The following POU6F1 variants were observed in gnomAD, a reference collection of about 807,000 sequenced individuals.
The protein encoded by POU6F1 is POU domain, class 6, transcription factor 1.
POU6F1 carries 9 observed loss-of-function variants against 28.9 expected under a neutral mutation model. The observed-to-expected ratio is 0.31, with a 90% CI of 0.19 to 0.54. The LOEUF (loss-of-function observed/expected upper bound fraction) is 0.54, where lower values mean the gene tolerates loss of function less well. Ranked by LOEUF, POU6F1 falls within the 20% of genes least tolerant of loss-of-function variation. POU6F1 has a pLI of 0.94. For missense variants in POU6F1, 338 were observed against 426.1 expected (o/e 0.79, Z 1.82); for synonymous variants, 173 against 171.1 (o/e 1.01, Z -0.09).
rs1944352665 is a variant in POU6F1, at chr12:51,217,550, G to A, written c.-48+92C>T. 6.6e-6 allele frequency: 1 copy of A among 152,294 alleles called. No homozygotes were observed. Among genetic ancestry groups the A allele is most frequent in the African/African-American group, 2.4e-5 (1 of 41,350 alleles). The allele number at this position is 152,294 out of a possible 1,614,324, so 9.4% of individuals were successfully genotyped here. A position where few individuals can be genotyped will look rare whatever the true frequency, so the allele number is the denominator to read the frequency against. ...AAATATATAAATTATGCTAATTACG[G>A]GCATTGCATATTAACCAAACCCGAA... On this transcript the variant is annotated intron_variant, in intron 1 of 10. Coordinates refer to ENST00000333640, the MANE Select transcript of POU6F1 (RefSeq NM_001330422.2). The surrounding 1 kb of genome is among the most constrained non-coding windows in gnomAD (Gnocchi z 5.3).
In POU6F1 at chr12:51,189,085, T is replaced by C. The variant is rs1441985697; in HGVS notation, c.*1162A>G. On this transcript the variant is annotated 3_prime_UTR_variant, in exon 11 of 11. Transcript: ENST00000333640. Reference sequence around the variant, plus strand: ...TGTGGGGATTGCTTACACACAGACATGGTCTGAGACTCGACAAAATGAGAT... The same window carrying C: ...TGTGGGGATTGCTTACACACAGACACGGTCTGAGACTCGACAAAATGAGAT... 1 of 152,186 alleles carries C rather than the reference T, an allele frequency of 6.6e-6. No individual in the cohort carries two copies. Among genetic ancestry groups the C allele is most frequent in the Non-Finnish European group, 1.5e-5 (1 of 68,038 alleles). The allele number at this position is 152,186 out of a possible 1,614,324, so 9.4% of individuals were successfully genotyped here.
In POU6F1 at chr12:51,217,904, G is replaced by C. The variant is rs1015008795; in HGVS notation, c.-310C>G. The stretch of plus-strand genomic sequence containing the variant: ...GGCTAAGCCGGGCGGAGAGGGGACG[G>C]CCGGGAAGCGGGAAGGGGAAGCCGG... On this transcript the variant is annotated 5_prime_UTR_variant, in exon 1 of 11. Transcript: ENST00000333640. The surrounding 1 kb of genome is among the most constrained non-coding windows in gnomAD (Gnocchi z 5.3). 6.6e-6 allele frequency among the ~76,000 whole-genome samples: 1 copy of C among 151,992 alleles called. No homozygotes were observed. Among genetic ancestry groups the C allele is most frequent in the African/African-American group, 2.4e-5 (1 of 41,420 alleles).
chr12:51,196,069 G>A lies in POU6F1; in HGVS notation c.1080C>T (p.Asn360=), dbSNP rs1161543855. ...GGGTCGCAATCACCTGGCCCTGGGC[G>A]TTCAACAACAGCTGGGGGGTCACGG... is the stretch of plus-strand genomic sequence containing the variant. ...VQAVTPQLLL[N]AQGQVIATLA... Residue 360 remains asparagine (N), a synonymous_variant, in exon 8 of 11, where the codon AAC becomes AAT. Coordinates refer to ENST00000333640, the MANE Select transcript of POU6F1 (RefSeq NM_001330422.2). The A allele has an allele frequency of 1.4e-5, 23 of 1,608,010 alleles. No homozygotes were observed. Among genetic ancestry groups the A allele is most frequent in the East Asian group, 6.7e-5 (3 of 44,758 alleles).
At chr12:51,196,698 T>C in intron 7 of POU6F1, 101 bp downstream of exon 7, 1 of 1,392,524 alleles carries the variant, frequency 7.2e-7, no homozygotes. Context: ...CAGCTTGACG[T>C]CTGTTCGAGT....
At chr12:51,207,025 A>G in intron 1 of POU6F1, 142 bp from the exon 2 acceptor site, 2 of 384,684 alleles carry the variant, frequency 5.2e-6, no homozygotes, top group Non-Finnish European at 9.2e-6. Context: ...AAAAAAAAAA[A>G]AAAGGATTCT....
At position 51,199,924 on chromosome 12, in the gene POU6F1, G is replaced by A. The variant is rs745637848; in HGVS notation, c.245-56C>T. On this transcript the variant is annotated intron_variant, in intron 3 of 10. Coordinates refer to ENST00000333640, the MANE Select transcript of POU6F1 (RefSeq NM_001330422.2). The surrounding 1 kb of genome is among the most constrained non-coding windows in gnomAD (Gnocchi z 4.1). ...AGGAGTGAGCCTGACGTGAGTGGAGGGGTCACCACAGCAGTACATGACATC... is the reference window on the plus strand; with the variant it reads ...AGGAGTGAGCCTGACGTGAGTGGAGAGGTCACCACAGCAGTACATGACATC... 5.0e-6 allele frequency: 2 copies of A among 399,262 alleles called. No individual in the cohort carries two copies. Among genetic ancestry groups the A allele is most frequent in the Non-Finnish European group, 8.8e-6 (2 of 226,226 alleles). 24.7% of individuals were successfully genotyped at this position (399,262 alleles called of 1,614,324 possible). A position where few individuals can be genotyped will look rare whatever the true frequency, so the allele number is the denominator to read the frequency against.
intron 3 of POU6F1, chr12:51,202,502 T>A (rs1378337713): frequency 6.6e-6 from 1 of 152,134 alleles, no homozygotes; most frequent in Admixed American, 6.5e-5. Flanking sequence ...TTTATTTATT[T>A]ATTTTTTTAG....
intron 5 of POU6F1, chr12:51,198,241 G>A (rs1193803325): frequency 2.5e-6 from 1 of 396,514 alleles, no homozygotes; most frequent in Admixed American, 4.4e-5. Flanking sequence ...TCAAGAACCA[G>A]ACGTTGAATC....
At chr12:51,210,662 G>A (rs1453657055) in intron 1 of POU6F1, among the ~76,000 whole-genome samples, 2 of 152,096 alleles carry the variant, frequency 1.3e-5, no homozygotes, top group African/African-American at 2.4e-5. Context: ...AAAATTTGAC[G>A]AGCTTTGAGG....
At position 51,204,363 on chromosome 12, in the gene POU6F1, G is replaced by A. The variant is rs185102508; in HGVS notation, c.54C>T (p.Ile18=). Residue 18 remains isoleucine (I), a synonymous_variant, in exon 3 of 11, where the codon ATC becomes ATT. Transcript: ENST00000333640. ...GGATGGTCTCATGACCTGACATCAC[G>A]ATGACCTGCAAGCAGAGGACAGGGG... is the stretch of plus-strand genomic sequence containing the variant. ...ETSLTVNEQV[I]VMSGHETIRV... 67 of 399,212 alleles carry A rather than the reference G, an allele frequency of 1.7e-4. No individual in the cohort carries two copies. Among genetic ancestry groups the A allele is most frequent in the African/African-American group, 1.0e-3 (50 of 48,698 alleles). 24.7% of individuals were successfully genotyped at this position (399,212 alleles called of 1,614,324 possible).
In POU6F1 at chr12:51,189,531, C is replaced by A. The variant is rs1330074660; in HGVS notation, c.*716G>T. The A allele has an allele frequency of 6.6e-6, 1 of 152,306 alleles. No individual in the cohort carries two copies. The highest frequency in any genetic ancestry group is 1.5e-5 in the Non-Finnish European group (1 of 68,128). 9.4% of individuals were successfully genotyped at this position (152,306 alleles called of 1,614,324 possible). A position where few individuals can be genotyped will look rare whatever the true frequency, so the allele number is the denominator to read the frequency against. ...GAACAGGTAGAGTTCACTGTTGCTT[C>A]CTTCCAACATGGATTAAGAAAAGGT... is the stretch of plus-strand genomic sequence containing the variant. On this transcript the variant is annotated 3_prime_UTR_variant, in exon 11 of 11. Transcript: ENST00000333640.
chr12:51,195,938 G>GT, intron 8 of POU6F1, 32 bp downstream of exon 8: 1 of 916,158 alleles, frequency 1.1e-6, no homozygotes, highest in South Asian at 1.5e-5. Context: ...AGCAGAGCCT[G>GT]CCCCACCCCC....
chr12:51,194,134 C>T (rs1942641160), intron 8 of POU6F1, among the ~76,000 whole-genome samples: 1 of 152,232 alleles, frequency 6.6e-6, no homozygotes, highest in South Asian at 2.1e-4. Flanking sequence ...TCAAGCAATT[C>T]TCCTACCTCG....
chr12:51,191,676 C>A lies in POU6F1; in HGVS notation c.1410G>T (p.Ser470=). Residue 470 remains serine, a synonymous_variant, in exon 10 of 11, where the codon TCG becomes TCT. Transcript: ENST00000333640. ...FAKNFKIRRL[S]LGLTQTQVGQ... is the part of the protein sequence containing the mutation. Reference sequence around the variant, plus strand: ...CCACCTGGGTCTGTGTAAGGCCCAGCGAGAGCCGCCGGATCTTAAAGTTCT... The same window carrying A: ...CCACCTGGGTCTGTGTAAGGCCCAGAGAGAGCCGCCGGATCTTAAAGTTCT... The A allele has an allele frequency of 6.2e-7, 1 of 1,614,170 alleles. No individual in the cohort carries two copies. The highest frequency in any genetic ancestry group is 1.1e-5 in the South Asian group (1 of 91,082).
intron 1 of POU6F1, among the ~76,000 whole-genome samples, chr12:51,212,945 T>G: frequency 6.6e-6 from 1 of 152,042 alleles, no homozygotes; most frequent in East Asian, 1.9e-4. Context: ...TGCAGTTGTT[T>G]TTTTTTTTCG....
chr12:51,207,466 G>A (rs1943705916), intron 1 of POU6F1: 1 of 152,180 alleles, frequency 6.6e-6, no homozygotes, highest in African/African-American at 2.4e-5. Context: ...TCCGGTGGGA[G>A]AGCACACCCA....
At chr12:51,204,454 G>C (rs1943439615) in intron 2 of POU6F1, 86 bp from the exon 3 acceptor site, 3 of 398,110 alleles carry the variant, frequency 7.5e-6, no homozygotes, top group Non-Finnish European at 1.3e-5. Flanking sequence ...TGGGGAGAGA[G>C]GGGAGGGCAC....
intron 2 of POU6F1, among the ~76,000 whole-genome samples, chr12:51,206,475 CAA>C (rs199769786): frequency 0.01 from 1,182 of 113,722 alleles, 23 homozygotes; most frequent in African/African-American, 0.031. Context: ...TAGTAATTTG[CAA>C]AAAAAAAAAA....
rs1944378094 is a variant in POU6F1, at chr12:51,218,006, T to C, written c.-412A>G. Among the ~76,000 whole-genome samples, 1 of 151,454 alleles carries C rather than the reference T, an allele frequency of 6.6e-6. No homozygotes were observed. The highest frequency in any genetic ancestry group is 2.4e-5 in the African/African-American group (1 of 41,260). On this transcript the variant is annotated 5_prime_UTR_variant, in exon 1 of 11. Transcript: ENST00000333640. ...CCCCCTTTTCCCTCCCCCCCTTTTT[T>C]CCCTCCTTCTGCTACTTGGATTTTT...
Sources: allele counts gnomAD v4.1 joint callset (sites outside exome capture counted in the v4.1 genomes callset), GRCh38; gene constraint gnomAD v4.1.1; non-coding constraint Gnocchi (gnomAD v3.1); transcripts MANE v1.5; gene names NCBI Gene and HGNC (gene_info 2026-07-23, HGNC 2026-07-21).